The following TAF3 variants were observed in gnomAD, a reference collection of about 807,000 sequenced individuals.
TAF3 encodes the protein TATA-box binding protein associated factor 3, also known as transcription initiation factor TFIID subunit 3.
In TAF3, 7 loss-of-function variants were observed where a neutral mutation model predicts 80.6. That is an observed-to-expected ratio of 0.09 (90% CI 0.05 to 0.16). TAF3 has a LOEUF of 0.16. TAF3 is among the 10% of genes least tolerant of loss of function. TAF3 has a pLI of 1.00. For missense variants in TAF3, 921 were observed against 1,140.2 expected (o/e 0.81, Z 2.77); for synonymous variants, 444 against 446.1 (o/e 1.00, Z 0.06).
chr10:7,894,254 C>G (rs115032636), intron 2 of TAF3, among the ~76,000 whole-genome samples: 1 of 152,130 alleles, frequency 6.6e-6, no homozygotes, highest in African/African-American at 2.4e-5. Flanking sequence ...TCTCCCATGA[C>G]GGAGTTACTG....
chr10:7,839,443 C>G (rs956519888), intron 2 of TAF3, among the ~76,000 whole-genome samples: 20 of 152,264 alleles, frequency 1.3e-4, no homozygotes, highest in Middle Eastern at 3.4e-3. Context: ...CTTACTGACT[C>G]CTGTTCTTAG....
At chr10:8,007,812 T>C (rs918365193) in intron 4 of TAF3, among the ~76,000 whole-genome samples, 5 of 151,758 alleles carry the variant, frequency 3.3e-5, no homozygotes, top group African/African-American at 1.2e-4. Flanking sequence ...TAGTATAACC[T>C]CTAACTTCTT....
chr10:7,889,577 A>G (rs1454291208), intron 2 of TAF3, among the ~76,000 whole-genome samples: 1 of 152,186 alleles, frequency 6.6e-6, no homozygotes, highest in Non-Finnish European at 1.5e-5. Flanking sequence ...GGGCTAATGT[A>G]TGCCTCCTGT....
intron 2 of TAF3, among the ~76,000 whole-genome samples, chr10:7,901,724 ATATTT>A (rs1837560187): frequency 6.6e-6 from 1 of 152,246 alleles, no homozygotes; most frequent in Admixed American, 6.5e-5. Context: ...TCTTAAATTA[ATATTT>A]TATATTAAGA....
chr10:7,988,888 T>C (rs534748322), intron 4 of TAF3, among the ~76,000 whole-genome samples: 1 of 152,238 alleles, frequency 6.6e-6, no homozygotes, highest in East Asian at 1.9e-4. Flanking sequence ...AAATGGTACA[T>C]TGTTTGTACT....
At chr10:7,823,407 G>T (rs1475296142) in intron 1 of TAF3, among the ~76,000 whole-genome samples, 1 of 151,762 alleles carries the variant, frequency 6.6e-6, no homozygotes, top group Non-Finnish European at 1.5e-5. Flanking sequence ...GAGGCAGGAG[G>T]ATTGATTGAG....
chr10:7,920,072 C>G (rs570625676), intron 2 of TAF3, among the ~76,000 whole-genome samples: 2 of 151,616 alleles, frequency 1.3e-5, no homozygotes, highest in African/African-American at 4.8e-5. Context: ...GTAGGGAGAC[C>G]CATTCTACAG....
Position 7,830,473 on chromosome 10 carries a change from C to CTTTTTTTTTTT in TAF3, c.409+5931_409+5941dup, listed in dbSNP as rs1176707860. 4.2e-4 allele frequency among the ~76,000 whole-genome samples: 24 copies of CTTTTTTTTTTT among 57,724 alleles called. 4 individuals carry two copies. Among genetic ancestry groups the CTTTTTTTTTTT allele is most frequent in the Non-Finnish European group, 4.3e-4 (14 of 32,346 alleles). The allele number at this position is 57,724 out of a possible 152,430, so 37.9% of individuals were successfully genotyped here. A position where few individuals can be genotyped will look rare whatever the true frequency, so the allele number is the denominator to read the frequency against. On this transcript the variant is annotated intron_variant, in intron 2 of 6. Transcript: ENST00000344293. ...TGCACACCTTTTTCACTTTACATGTCTTTTTTTTTTTTTTTTTTTTTTTTT... is the reference window on the plus strand; with the variant it reads ...TGCACACCTTTTTCACTTTACATGTCTTTTTTTTTTTTTTTTTTTTTTTTTTTTTTTTTTTT...
intron 4 of TAF3, among the ~76,000 whole-genome samples, chr10:7,986,604 C>T (rs1831780126): frequency 6.6e-6 from 1 of 152,182 alleles, no homozygotes; most frequent in Admixed American, 6.5e-5. Flanking sequence ...AGGCCTTGTC[C>T]TAGAAGTCTC....
chr10:8,001,126 T>C lies in TAF3; in HGVS notation c.2316-7952T>C, dbSNP rs535962900. The stretch of plus-strand genomic sequence containing the variant: ...CCATAGACAGTGCTACAAATCATAT[T>C]CTTTACCCCAGACCTTTACACAGCT... On this transcript the variant is annotated intron_variant, in intron 4 of 6. Coordinates refer to ENST00000344293, the MANE Select transcript of TAF3 (RefSeq NM_031923.4). 1.6e-4 allele frequency among the ~76,000 whole-genome samples: 24 copies of C among 152,346 alleles called. No homozygotes were observed. The South Asian group carries it at 4.6e-3, about 29-fold the overall frequency.
intron 4 of TAF3, among the ~76,000 whole-genome samples, chr10:7,991,407 C>CATT (rs1325184487): frequency 1.3e-5 from 2 of 151,944 alleles, no homozygotes; most frequent in Non-Finnish European, 2.9e-5. Flanking sequence ...TGGAAAAACA[C>CATT]ATTATTTTAT....
chr10:7,913,771 G>C (rs527679859), intron 2 of TAF3, among the ~76,000 whole-genome samples: 2 of 152,182 alleles, frequency 1.3e-5, no homozygotes, highest in Non-Finnish European at 2.9e-5. Flanking sequence ...TACAGTAAGA[G>C]GTATACTGCG....
At chr10:8,004,629 C>G (rs1359427542) in intron 4 of TAF3, among the ~76,000 whole-genome samples, 1 of 152,118 alleles carries the variant, frequency 6.6e-6, no homozygotes, top group Non-Finnish European at 1.5e-5. Flanking sequence ...TTCATCATTG[C>G]TAATTAAGAA....
chr10:7,873,989 T>C (rs1232603180), intron 2 of TAF3, among the ~76,000 whole-genome samples: 1 of 152,226 alleles, frequency 6.6e-6, no homozygotes, highest in Non-Finnish European at 1.5e-5. Context: ...GGGCTATTTG[T>C]ATTCAGCAAG....
chr10:7,915,494 T>C (rs1327825064), intron 2 of TAF3, among the ~76,000 whole-genome samples: 1 of 149,594 alleles, frequency 6.7e-6, no homozygotes, highest in African/African-American at 2.5e-5. Context: ...AATACAAAAA[T>C]TAGCCGGGCA....
At chr10:8,004,796 G>T (rs893660687) in intron 4 of TAF3, among the ~76,000 whole-genome samples, 2 of 152,068 alleles carry the variant, frequency 1.3e-5, no homozygotes, top group Non-Finnish European at 2.9e-5. Context: ...GGTGTGTTGG[G>T]CTTCATAAAT....
intron 3 of TAF3, among the ~76,000 whole-genome samples, chr10:7,974,133 TACACACACACACAC>T (rs56363651): frequency 8.9e-5 from 13 of 145,362 alleles, no homozygotes; most frequent in African/African-American, 2.3e-4. Flanking sequence ...TTCTGAAACA[TACACACACACACAC>T]ACACACACAC....
At chr10:7,922,448 A>C (rs1184860157) in intron 2 of TAF3, among the ~76,000 whole-genome samples, 1 of 152,076 alleles carries the variant, frequency 6.6e-6, no homozygotes, top group Non-Finnish European at 1.5e-5. Flanking sequence ...ATGATTATCA[A>C]GTGATATTCC....
At chr10:7,958,469 G>T (rs1838157645) in intron 2 of TAF3, among the ~76,000 whole-genome samples, 2 of 151,210 alleles carry the variant, frequency 1.3e-5, no homozygotes, top group South Asian at 4.2e-4. Flanking sequence ...GTGAATCTCA[G>T]AAACATAATG....
Sources: gnomAD v4.1 joint callset for allele counts (sites outside exome capture counted in the v4.1 genomes callset) on GRCh38, gnomAD v4.1.1 for gene constraint, MANE v1.5 for transcripts, NCBI Gene and HGNC (gene_info 2026-07-23, HGNC 2026-07-21) for gene names.